The following OSBPL5 variants were observed in gnomAD, a reference collection of about 807,000 sequenced individuals.
OSBPL5 encodes the protein oxysterol binding protein like 5.
In OSBPL5, 71 loss-of-function variants were observed where a neutral mutation model predicts 111.2. The observed-to-expected ratio is 0.64, with a 90% confidence interval of 0.53 to 0.78. The LOEUF is 0.78. Among genes scored for constraint, OSBPL5 ranks in the 30% least tolerant of loss-of-function variants. The probability of loss-of-function intolerance (pLI) is 0.00; values close to 1 mark genes in which losing one functional copy is unlikely to be tolerated. For synonymous variants in OSBPL5, 549 were observed against 513.9 expected (o/e 1.07, Z -0.93); for missense variants, 1,210 against 1,189.3 (o/e 1.02, Z -0.26).
intron 1 of OSBPL5, among the ~76,000 whole-genome samples, chr11:3,150,240 G>A (rs1338386963): frequency 1.3e-5 from 2 of 152,198 alleles, no homozygotes; most frequent in African/African-American, 4.8e-5. Context: ...TCGGGAGCCA[G>A]GGTCCCAAGT....
chr11:3,123,578 T>C (rs891110676), intron 3 of OSBPL5, among the ~76,000 whole-genome samples: 1 of 152,224 alleles, frequency 6.6e-6, no homozygotes, highest in Non-Finnish European at 1.5e-5. Context: ...GTGCCCGCCC[T>C]GCCCTGCTCT....
At chr11:3,160,304 C>G (rs554993911) in intron 1 of OSBPL5, among the ~76,000 whole-genome samples, 1 of 152,320 alleles carries the variant, frequency 6.6e-6, no homozygotes, top group Non-Finnish European at 1.5e-5. Flanking sequence ...CCCAAAGCAG[C>G]ACAGTCCAGC....
At position 3,163,227 on chromosome 11, in the gene OSBPL5, TG is replaced by T. The variant is rs372175596; in HGVS notation, c.-22+1988del. 4.0e-3 allele frequency among the ~76,000 whole-genome samples: 605 copies of T among 152,256 alleles called. 4 individuals are homozygous for T. The highest frequency in any genetic ancestry group is 5.9e-3 in the Non-Finnish European group (403 of 67,996). The stretch of plus-strand genomic sequence containing the variant: ...CTGTCCCTTGAACAATAAATGGGAA[TG>T]GGGGCGGGGGGCACCTTCTGTCATC... On this transcript the variant is annotated intron_variant, in intron 1 of 21. Coordinates refer to ENST00000263650, the MANE Select transcript of OSBPL5 (RefSeq NM_020896.4).
intron 21 of OSBPL5, 107 bp from the exon 22 acceptor site, chr11:3,088,450 G>A (rs956811143): frequency 1.2e-4 from 152 of 1,267,282 alleles, no homozygotes; most frequent in Middle Eastern, 5.9e-4. Context: ...TGGACACAGG[G>A]CCGAGGTGGA....
At chr11:3,089,756 TCCTGGCCTCCCC>T in intron 21 of OSBPL5, 78 bp downstream of exon 21, 1 of 1,288,296 alleles carries the variant, frequency 7.8e-7, no homozygotes, top group Non-Finnish European at 1.1e-6. Context: ...AGCCGCGGCC[TCCTGGCCTCCCC>T]ACCTCCCGCC....
In OSBPL5 at chr11:3,143,031, G is replaced by A. The variant is rs1389162174; in HGVS notation, c.-21-13862C>T. Among the ~76,000 whole-genome samples, 79 of 24,602 alleles carry A rather than the reference G, an allele frequency of 3.2e-3. 1 individual carries two copies. The highest frequency in any genetic ancestry group is 3.9e-3 in the Non-Finnish European group (34 of 8,662). 16.1% of individuals were successfully genotyped at this position (24,602 alleles called of 152,430 possible). ...AGAGGGGGGCAGAGGAGGCAGGTGC[G>A]GGGGGGGGCAGAGGAGGCAGGTGCG... On this transcript the variant is annotated intron_variant, in intron 1 of 21. Transcript: ENST00000263650.
intron 3 of OSBPL5, among the ~76,000 whole-genome samples, chr11:3,125,576 C>T (rs774522577): frequency 2.0e-5 from 3 of 152,136 alleles, no homozygotes; most frequent in East Asian, 1.9e-4. Flanking sequence ...GAGGCCGAGG[C>T]GGGTGGATCA....
At chr11:3,151,421 G>A (rs1846581511) in intron 1 of OSBPL5, among the ~76,000 whole-genome samples, 1 of 152,164 alleles carries the variant, frequency 6.6e-6, no homozygotes, top group South Asian at 2.1e-4. Flanking sequence ...CCACCAGCAT[G>A]AAGAAACTGC....
At position 3,107,526 on chromosome 11, in the gene OSBPL5, C is replaced by G; in HGVS notation, c.867-71G>C. 1 of 1,531,980 alleles carries G rather than the reference C, an allele frequency of 6.5e-7. No individual in the cohort carries two copies. The highest frequency in any genetic ancestry group is 9.0e-7 in the Non-Finnish European group (1 of 1,115,364). The allele number at this position is 1,531,980 out of a possible 1,614,324, so 94.9% of individuals were successfully genotyped here. A position where few individuals can be genotyped will look rare whatever the true frequency, so the allele number is the denominator to read the frequency against. On this transcript the variant is annotated intron_variant, in intron 8 of 21. Transcript: ENST00000263650. This position sits in a 1 kb window ranked among gnomAD's most constrained non-coding sequence, Gnocchi z 6.1. The stretch of plus-strand genomic sequence containing the variant: ...CCAGCACAGCCCTCTGGGCTGCCCA[C>G]CCCTCGCTGCTCCGCACTTCACATA...
At chr11:3,103,420 T>TC in intron 10 of OSBPL5, 100 bp from the exon 11 acceptor site, 1 of 1,129,162 alleles carries the variant, frequency 8.9e-7, no homozygotes, top group East Asian at 2.7e-5. Context: ...CTCCAACCAC[T>TC]CAGCTGGAAA....
Position 3,104,204 on chromosome 11 carries a change from G to T in OSBPL5, c.1233C>A (p.Asp411Glu). The T allele has an allele frequency of 6.2e-7, 1 of 1,609,134 alleles. No individual in the cohort carries two copies. Among genetic ancestry groups the T allele is most frequent in the Non-Finnish European group, 8.5e-7 (1 of 1,176,354 alleles). The change falls in exon 10 of 22, where the codon GAC becomes GAA. Residue 411 changes from aspartate (D) to glutamate (E), a missense_variant. By Grantham distance (45) the Asp-to-Glu change is conservative. Transcript: ENST00000263650. This position sits in a 1 kb window ranked among gnomAD's most constrained non-coding sequence, Gnocchi z 5.0. ...GGCATGGCGCGCACCTGGAGAGCAG[G>T]TCTGCGTGGTAGTAGTAGTCGGAGA... ...NKLSDYYYHA[D>E]LLSRAAVEED...
At chr11:3,145,577 C>T (rs1008917886) in intron 1 of OSBPL5, among the ~76,000 whole-genome samples, 3 of 152,202 alleles carry the variant, frequency 2.0e-5, no homozygotes, top group Admixed American at 6.5e-5. Flanking sequence ...TGGGAGACAT[C>T]GGACCCGGCT....
intron 1 of OSBPL5, among the ~76,000 whole-genome samples, chr11:3,152,723 C>T (rs752362034): frequency 1.3e-5 from 2 of 152,188 alleles, no homozygotes; most frequent in Admixed American, 6.5e-5. Flanking sequence ...GAGCTGGGTG[C>T]GAGTGGGCGT....
chr11:3,122,628 G>A lies in OSBPL5; in HGVS notation c.220-200C>T, dbSNP rs557182205. Among the ~76,000 whole-genome samples, 13 of 152,176 alleles carry A rather than the reference G, an allele frequency of 8.5e-5. No homozygotes were observed. The South Asian group carries it at 2.1e-3, about 24-fold the overall frequency. ...GGATGGAAGAACAAGGGTGGCTGAC[G>A]AGAGACCCTCCATGGGCACACGCCA... On this transcript the variant is annotated intron_variant, in intron 3 of 21. Transcript: ENST00000263650.
rs548889378 is a variant in OSBPL5, at chr11:3,127,677, G to C, written c.137-1122C>G. On this transcript the variant is annotated intron_variant, in intron 2 of 21. Coordinates refer to ENST00000263650, the MANE Select transcript of OSBPL5 (RefSeq NM_020896.4). ...CTTTCTCATATAGTTCTAGGGGCTT[G>C]GCCTGTGGCCGCCAGCAAACTACTT... Among the ~76,000 whole-genome samples, 14 of 152,326 alleles carry C rather than the reference G, an allele frequency of 9.2e-5. No homozygotes were observed. The South Asian group carries it at 2.7e-3, about 29-fold the overall frequency.
intron 14 of OSBPL5, chr11:3,094,715 T>A: frequency 4.9e-6 from 1 of 202,926 alleles, no homozygotes. Context: ...ACATGCATCG[T>A]GCTTCACTTG....
Position 3,107,721 on chromosome 11 carries a change from A to G in OSBPL5, c.866+50T>C, listed in dbSNP as rs1857757301. On this transcript the variant is annotated intron_variant, in intron 8 of 21. Coordinates refer to ENST00000263650, the MANE Select transcript of OSBPL5 (RefSeq NM_020896.4). This position sits in a 1 kb window ranked among gnomAD's most constrained non-coding sequence, Gnocchi z 6.1. ...GTCCTCTCCCCTCTTCCTCGCCTAC[A>G]AGGAGACCCCGTGAATCACCACCAG... 3 of 1,596,786 alleles carry G rather than the reference A, an allele frequency of 1.9e-6. No homozygotes were observed. The highest frequency in any genetic ancestry group is 1.7e-5 in the Admixed American group (1 of 59,858).
intron 1 of OSBPL5, among the ~76,000 whole-genome samples, chr11:3,139,893 G>T (rs967653184): frequency 6.6e-6 from 1 of 152,240 alleles, no homozygotes; most frequent in African/African-American, 2.4e-5. Context: ...AGCTGGTGGT[G>T]GGGTGGGGCG....
intron 1 of OSBPL5, among the ~76,000 whole-genome samples, chr11:3,143,631 C>G (rs1397256295): frequency 1.3e-5 from 2 of 152,252 alleles, no homozygotes; most frequent in Admixed American, 1.3e-4. Flanking sequence ...CGCTTCCACG[C>G]CCACGCAGTG....
Sources: allele counts gnomAD v4.1 joint callset (sites outside exome capture counted in the v4.1 genomes callset), GRCh38; gene constraint gnomAD v4.1.1; non-coding constraint Gnocchi (gnomAD v3.1); transcripts MANE v1.5; gene names NCBI Gene and HGNC (gene_info 2026-07-23, HGNC 2026-07-21).